Variants in DDX21 observed in about 807,000 individuals in gnomAD.
DDX21 encodes the protein nucleolar RNA helicase 2.
A neutral mutation model predicts 90.0 loss-of-function variants in DDX21; 18 were observed. That is an observed-to-expected ratio of 0.20 (90% CI 0.14 to 0.30). The LOEUF (loss-of-function observed/expected upper bound fraction) is 0.30. DDX21 is among the 10% of genes least tolerant of loss of function. DDX21 has a pLI of 1.00. For synonymous variants in DDX21, 294 were observed against 318.0 expected, an observed-to-expected ratio of 0.92 and a Z score of 0.80; for missense variants, 673 against 944.5, an observed-to-expected ratio of 0.71 and a Z score of 3.77.
intron 7 of DDX21, among the ~76,000 whole-genome samples, chr10:68,969,436 C>T (rs1225202194): frequency 3.3e-5 from 5 of 152,142 alleles, no homozygotes; most frequent in East Asian, 1.9e-4. Context: ...TGCGCTACCA[C>T]GCCCAGCTAA....
chr10:68,964,155 G>A (rs1564626337), intron 4 of DDX21: 2 of 413,704 alleles, frequency 4.8e-6, no homozygotes, highest in Non-Finnish European at 9.4e-6. Flanking sequence ...CAAGTCAGAG[G>A]TGAAAACGCC....
At position 68,983,504 on chromosome 10, in the gene DDX21, A is replaced by C. The variant is rs1589290904; in HGVS notation, c.*692A>C. The C allele has an allele frequency of 6.6e-6, 1 of 152,166 alleles. No homozygotes were observed. Among genetic ancestry groups the C allele is most frequent in the African/African-American group, 2.4e-5 (1 of 41,432 alleles). 9.4% of individuals were successfully genotyped at this position (152,166 alleles called of 1,614,324 possible). ...TCATAGATAGTATATATAAAAGTACATTTTAATAGAAAGCCAGGGTTTTAA... is the reference window on the plus strand; with the variant it reads ...TCATAGATAGTATATATAAAAGTACCTTTTAATAGAAAGCCAGGGTTTTAA... On this transcript the variant is annotated 3_prime_UTR_variant, in exon 15 of 15. Transcript: ENST00000354185.
In DDX21 at chr10:68,982,918, C is replaced by A; in HGVS notation, c.*106C>A. ...AAAAGCACATTGTGCCTCCTTTTGA[C>A]CACTTGCCAAGTCCCTGTCTCTTTC... On this transcript the variant is annotated 3_prime_UTR_variant, in exon 15 of 15. Coordinates refer to ENST00000354185, the MANE Select transcript of DDX21 (RefSeq NM_004728.4). 7.1e-7 allele frequency: 1 copy of A among 1,412,020 alleles called. No homozygotes were observed. 87.5% of individuals were successfully genotyped at this position (1,412,020 alleles called of 1,614,324 possible).
At position 68,982,964 on chromosome 10, in the gene DDX21, T is replaced by A; in HGVS notation, c.*152T>A. 2 of 952,400 alleles carry A rather than the reference T, an allele frequency of 2.1e-6. No individual in the cohort carries two copies. Among genetic ancestry groups the A allele is most frequent in the Non-Finnish European group, 3.1e-6 (2 of 650,602 alleles). 59.0% of individuals were successfully genotyped at this position (952,400 alleles called of 1,614,324 possible). Reference sequence around the variant, plus strand: ...CTTTCAGACACAGACAAGCTTCATTTAAATTATTTCATCTGATCATTATCA... The same window carrying A: ...CTTTCAGACACAGACAAGCTTCATTAAAATTATTTCATCTGATCATTATCA... On this transcript the variant is annotated 3_prime_UTR_variant, in exon 15 of 15. Transcript: ENST00000354185.
At chr10:68,974,894 T>C in intron 11 of DDX21, 151 bp downstream of exon 11, 1 of 578,608 alleles carries the variant, frequency 1.7e-6, no homozygotes, top group East Asian at 3.1e-5. Context: ...TCTCAACTCC[T>C]GGTCTCAAGC....
intron 1 of DDX21, among the ~76,000 whole-genome samples, chr10:68,958,392 C>G (rs1842828746): frequency 6.6e-6 from 1 of 151,920 alleles, no homozygotes; most frequent in African/African-American, 2.4e-5. Context: ...CCTCAGCCTC[C>G]TAAGTAGCTA....
At chr10:68,958,677 T>A (rs1842833219) in intron 1 of DDX21, among the ~76,000 whole-genome samples, 1 of 152,164 alleles carries the variant, frequency 6.6e-6, no homozygotes, top group Non-Finnish European at 1.5e-5. Context: ...GACCTCGTGA[T>A]TCGCCCTCCT....
intron 9 of DDX21, among the ~76,000 whole-genome samples, chr10:68,973,131 G>A (rs767667045): frequency 8.6e-5 from 13 of 152,036 alleles, no homozygotes; most frequent in Non-Finnish European, 1.6e-4. Flanking sequence ...GTAGGCGGAG[G>A]TTGCAGTGAG....
At chr10:68,964,101 GAAAAAAAA>G (rs750726882) in intron 4 of DDX21, 7 of 237,532 alleles carry the variant, frequency 2.9e-5, no homozygotes, top group Admixed American at 6.0e-5. Context: ...TCCGTCTCAA[GAAAAAAAA>G]AAAAAAAAAA....
Position 68,967,006 on chromosome 10 carries a change from T to G in DDX21, c.905-12T>G, listed in dbSNP as rs1414858579. ...CTAAAAACCCAGCAAATCTTGTCAT[T>G]GTTTTTTATAGTTGAACGCATGAGG... is the stretch of plus-strand genomic sequence containing the variant. On this transcript the variant is annotated splice_polypyrimidine_tract_variant and intron_variant, in intron 5 of 14. Coordinates refer to ENST00000354185, the MANE Select transcript of DDX21 (RefSeq NM_004728.4). 6.2e-7 allele frequency: 1 copy of G among 1,601,986 alleles called. No individual in the cohort carries two copies. Among genetic ancestry groups the G allele is most frequent in the Admixed American group, 1.7e-5 (1 of 59,078 alleles).
At position 68,982,793 on chromosome 10, in the gene DDX21, G is replaced by A. The variant is rs1843211840; in HGVS notation, c.2333G>A (p.Ser778Asn). ...AACAAAGGCCAGAAGCGGAGTTTCA[G>A]TAAAGCATTTGGTCAATAATTAGAA... ...SQNKGQKRSFSKAFGQ is the reference protein window; with the variant it reads ...SQNKGQKRSFNKAFGQ Residue 778 changes from serine (S) to asparagine (N), a missense_variant, in exon 15 of 15, where the codon AGT (serine) becomes AAT (asparagine). Physicochemically the swap from Ser to Asn is conservative, Grantham distance 46 (BLOSUM62 1). Coordinates refer to ENST00000354185, the MANE Select transcript of DDX21 (RefSeq NM_004728.4). The A allele has an allele frequency of 6.2e-7, 1 of 1,614,140 alleles. No individual in the cohort carries two copies. The highest frequency in any genetic ancestry group is 8.5e-7 in the Non-Finnish European group (1 of 1,180,012).
At chr10:68,964,635 T>TA (rs1017488295) in intron 4 of DDX21, among the ~76,000 whole-genome samples, 1 of 149,744 alleles carries the variant, frequency 6.7e-6, no homozygotes, top group South Asian at 2.1e-4. Context: ...GTGCTGGAAT[T>TA]ATAGGCTTGA....
Position 68,963,301 on chromosome 10 carries a change from G to A in DDX21, c.618G>A (p.Val206=), listed in dbSNP as rs2132081408. The A allele has an allele frequency of 6.2e-7, 1 of 1,611,046 alleles. No individual in the cohort carries two copies. Among genetic ancestry groups the A allele is most frequent in the South Asian group, 1.1e-5 (1 of 90,618 alleles). The change falls in exon 4 of 15, where the codon GTG becomes GTA. Residue 206 remains valine, a synonymous_variant. Coordinates refer to ENST00000354185, the MANE Select transcript of DDX21 (RefSeq NM_004728.4). ...ETIKLLKGRG[V]TFLFPIQAKT... is the part of the protein sequence containing the mutation. Reference sequence around the variant, plus strand: ...TTAATTTGTTCATAGGCCGAGGAGTGACCTTCCTATTTCCTATACAAGCAA... The same window carrying A: ...TTAATTTGTTCATAGGCCGAGGAGTAACCTTCCTATTTCCTATACAAGCAA...
At chr10:68,973,393 A>G (rs991075300) in intron 9 of DDX21, 152 bp from the exon 10 acceptor site, 40 of 881,226 alleles carry the variant, frequency 4.5e-5, no homozygotes, top group Admixed American at 4.1e-4. Context: ...AAAAATTGCC[A>G]GAGGTCTTTA....
chr10:68,967,571 T>A (rs1014918501), intron 6 of DDX21, among the ~76,000 whole-genome samples: 1 of 151,960 alleles, frequency 6.6e-6, no homozygotes, highest in Non-Finnish European at 1.5e-5. Context: ...GTCATTACTC[T>A]GGGATTAAAG....
intron 1 of DDX21, among the ~76,000 whole-genome samples, chr10:68,959,299 G>C (rs1235923826): frequency 6.6e-6 from 1 of 152,114 alleles, no homozygotes; most frequent in Non-Finnish European, 1.5e-5. Context: ...TTTGAGACCA[G>C]CCTGGGCAAC....
intron 8 of DDX21, among the ~76,000 whole-genome samples, chr10:68,970,861 C>T (rs767232623): frequency 9.3e-5 from 14 of 151,218 alleles, no homozygotes; most frequent in Non-Finnish European, 1.3e-4. Flanking sequence ...CCGTGTTGGC[C>T]GGGTTGGTCT....
intron 1 of DDX21, chr10:68,956,798 T>G: frequency 1.0e-6 from 1 of 975,206 alleles, no homozygotes; most frequent in Non-Finnish European, 1.2e-6. Context: ...ATCCCAACAC[T>G]TTGGGAGGCC....
chr10:68,964,854 G>T (rs1485508842), intron 4 of DDX21, among the ~76,000 whole-genome samples: 1 of 151,750 alleles, frequency 6.6e-6, no homozygotes, highest in Non-Finnish European at 1.5e-5. Flanking sequence ...CTTTCACCAT[G>T]TTGGCCAGGC....
Sources: allele counts gnomAD v4.1 joint callset (sites outside exome capture counted in the v4.1 genomes callset), GRCh38; gene constraint gnomAD v4.1.1; transcripts MANE v1.5; gene names NCBI Gene and HGNC (gene_info 2026-07-23, HGNC 2026-07-21).